The following SRBD1 variants were observed in gnomAD, a reference collection of about 807,000 sequenced individuals.
SRBD1 encodes the protein S1 RNA-binding domain-containing protein 1.
A neutral mutation model predicts 115.3 loss-of-function variants in SRBD1; 88 were observed. That is an observed-to-expected ratio of 0.76 (90% CI 0.64 to 0.91). The LOEUF (loss-of-function observed/expected upper bound fraction) is 0.91. SRBD1 is among the 40% of genes least tolerant of loss of function. SRBD1 has a pLI of 0.00. For synonymous variants in SRBD1, 509 were observed against 407.7 expected (o/e 1.25, Z -2.99); for missense variants, 1,385 against 1,177.4 (o/e 1.18, Z -2.58).
Position 45,389,026 on chromosome 2 carries a change from A to G in SRBD1, c.*284T>C, listed in dbSNP as rs763341872. On this transcript the variant is annotated 3_prime_UTR_variant, in exon 21 of 21. Coordinates refer to ENST00000263736, the MANE Select transcript of SRBD1 (RefSeq NM_018079.5). ...TTATACAAAATGCAAAAGGAGTTAA[A>G]GATAAATTACAAAAAATAAAAAACA... The G allele has an allele frequency of 1.6e-4, 55 of 350,746 alleles. No individual in the cohort carries two copies. The highest frequency in any genetic ancestry group is 2.6e-4 in the Non-Finnish European group (51 of 194,402). 21.7% of individuals were successfully genotyped at this position (350,746 alleles called of 1,614,324 possible).
Position 45,551,188 on chromosome 2 carries a change from T to A in SRBD1, c.1612A>T (p.Thr538Ser). The change falls in exon 12 of 21, where the codon ACC becomes TCC. Residue 538 changes from threonine to serine, a missense_variant. By Grantham distance (58) the Thr-to-Ser change is moderately conservative. Transcript: ENST00000263736. ...LLLTSPVPGRTLMGVDPGYKH... is the reference protein window; with the variant it reads ...LLLTSPVPGRSLMGVDPGYKH... The stretch of plus-strand genomic sequence containing the variant: ...TAACCAGGATCCACTCCCATTAAGG[T>A]GCGCCCTGGAACAGGGCTTGTTAAA... 1 of 1,612,756 alleles carries A rather than the reference T, an allele frequency of 6.2e-7. No homozygotes were observed. The highest frequency in any genetic ancestry group is 8.5e-7 in the Non-Finnish European group (1 of 1,179,690).
At chr2:45,592,776 T>C (rs1388411165) in intron 4 of SRBD1, among the ~76,000 whole-genome samples, 1 of 152,166 alleles carries the variant, frequency 6.6e-6, no homozygotes, top group Non-Finnish European at 1.5e-5. Context: ...ACTACAGCAG[T>C]GGTTTACAAT....
intron 16 of SRBD1, among the ~76,000 whole-genome samples, chr2:45,461,375 A>T (rs542786501): frequency 6.6e-6 from 1 of 152,278 alleles, no homozygotes; most frequent in African/African-American, 2.4e-5. Context: ...TCTTTCAAAA[A>T]TACTGCTGGG....
intron 8 of SRBD1, 140 bp from the exon 9 acceptor site, chr2:45,573,482 A>G (rs925687609): frequency 2.1e-6 from 2 of 931,258 alleles, no homozygotes; most frequent in African/African-American, 3.5e-5. Context: ...TATGAAATTG[A>G]TATTACTACC....
At chr2:45,545,067 T>G (rs1246985798) in intron 14 of SRBD1, among the ~76,000 whole-genome samples, 2 of 151,316 alleles carry the variant, frequency 1.3e-5, no homozygotes, top group Non-Finnish European at 2.9e-5. Flanking sequence ...GATCACGAGG[T>G]TAAGAGATCA....
chr2:45,404,156 T>C (rs1413346378), intron 19 of SRBD1, among the ~76,000 whole-genome samples: 1 of 152,098 alleles, frequency 6.6e-6, no homozygotes, highest in Non-Finnish European at 1.5e-5. Flanking sequence ...AGATCAAAGA[T>C]GATTTCAAGG....
intron 16 of SRBD1, among the ~76,000 whole-genome samples, chr2:45,463,261 T>C (rs776220923): frequency 3.3e-5 from 5 of 152,178 alleles, no homozygotes; most frequent in Non-Finnish European, 5.9e-5. Flanking sequence ...ATTTCCCACT[T>C]CAACTCTTAT....
At chr2:45,551,889 G>A (rs929645400) in intron 11 of SRBD1, among the ~76,000 whole-genome samples, 3 of 152,106 alleles carry the variant, frequency 2.0e-5, no homozygotes, top group Non-Finnish European at 4.4e-5. Flanking sequence ...TTGAAAGGGC[G>A]ATTTGTAATA....
intron 11 of SRBD1, among the ~76,000 whole-genome samples, chr2:45,552,257 C>A (rs1279194329): frequency 2.0e-5 from 3 of 152,184 alleles, no homozygotes; most frequent in Non-Finnish European, 4.4e-5. Flanking sequence ...AACTGCTATT[C>A]AGGTTAAGTA....
chr2:45,469,375 A>T, intron 16 of SRBD1, among the ~76,000 whole-genome samples: 1 of 152,216 alleles, frequency 6.6e-6, no homozygotes, highest in Non-Finnish European at 1.5e-5. Context: ...CTTGAAACTG[A>T]AATGGATCTA....
At chr2:45,460,135 A>G (rs1056264810) in intron 16 of SRBD1, among the ~76,000 whole-genome samples, 1 of 152,142 alleles carries the variant, frequency 6.6e-6, no homozygotes, top group Non-Finnish European at 1.5e-5. Context: ...GCCAACTTCC[A>G]TGTTCCATTT....
chr2:45,470,549 G>A (rs1486040387), intron 16 of SRBD1, among the ~76,000 whole-genome samples: 1 of 152,096 alleles, frequency 6.6e-6, no homozygotes, highest in East Asian at 1.9e-4. Context: ...ACCAAATGGA[G>A]GTGTTAATGA....
intron 16 of SRBD1, among the ~76,000 whole-genome samples, chr2:45,464,004 T>C (rs1444787536): frequency 2.0e-5 from 3 of 152,168 alleles, no homozygotes; most frequent in African/African-American, 7.2e-5. Flanking sequence ...ACACTTTACA[T>C]TGTAAGTCCT....
chr2:45,548,814 A>C (rs192806310), intron 12 of SRBD1, among the ~76,000 whole-genome samples: 1 of 152,288 alleles, frequency 6.6e-6, no homozygotes, highest in Non-Finnish European at 1.5e-5. Context: ...AGTCACGACT[A>C]TATCTAGAAC....
chr2:45,406,764 GCA>G (rs1442789746), intron 19 of SRBD1, among the ~76,000 whole-genome samples: 1 of 152,072 alleles, frequency 6.6e-6, no homozygotes, highest in Non-Finnish European at 1.5e-5. Context: ...AAATAAATCG[GCA>G]CAGTTTCATT....
Position 45,585,694 on chromosome 2 carries a change from G to A in SRBD1, c.729C>T (p.Pro243=). The part of the protein sequence containing the change: ...IRLFNDDNTI[P]FIIRYRKELI... ...GCTCTTTTCTATAACGTATAATGAAGGGAATTGTGTTATCATCATTAAAGA... is the reference window on the plus strand; with the variant it reads ...GCTCTTTTCTATAACGTATAATGAAAGGAATTGTGTTATCATCATTAAAGA... The change falls in exon 5 of 21, where the codon CCC becomes CCT. Residue 243 remains proline (P), a synonymous_variant. Transcript: ENST00000263736. The A allele has an allele frequency of 1.2e-6, 2 of 1,612,538 alleles. No individual in the cohort carries two copies. Among genetic ancestry groups the A allele is most frequent in the African/African-American group, 1.3e-5 (1 of 74,876 alleles).
In SRBD1 at chr2:45,437,961, T is replaced by G. The variant is rs559248749; in HGVS notation, c.2050-18067A>C. Among the ~76,000 whole-genome samples the G allele has an allele frequency of 2.0e-5, 3 of 152,332 alleles. No individual in the cohort carries two copies. The South Asian group carries it at 6.2e-4, about 32-fold the overall frequency. On this transcript the variant is annotated intron_variant, in intron 16 of 20. Transcript: ENST00000263736. Reference sequence around the variant, plus strand: ...GATACTATAAATAGTGAATATAGGTTATTATCTGTTTGTCTAAACCCATAA... The same window carrying G: ...GATACTATAAATAGTGAATATAGGTGATTATCTGTTTGTCTAAACCCATAA...
At chr2:45,516,466 A>G (rs1224719963) in intron 14 of SRBD1, among the ~76,000 whole-genome samples, 2 of 152,214 alleles carry the variant, frequency 1.3e-5, no homozygotes, top group African/African-American at 4.8e-5. Context: ...GTAACACATT[A>G]ATGAGTGAAG....
intron 16 of SRBD1, among the ~76,000 whole-genome samples, chr2:45,466,941 G>C (rs2103790569): frequency 6.6e-6 from 1 of 152,322 alleles, no homozygotes; most frequent in Admixed American, 6.5e-5. Flanking sequence ...TAGAAACACA[G>C]ACTGTCATTG....
Sources: allele counts gnomAD v4.1 joint callset (sites outside exome capture counted in the v4.1 genomes callset), GRCh38; gene constraint gnomAD v4.1.1; transcripts MANE v1.5; gene names NCBI Gene and HGNC (gene_info 2026-07-23, HGNC 2026-07-21).